CENPW: variants seen among roughly 807,000 people sequenced by gnomAD.
The protein encoded by CENPW is cancer-up-regulated gene 2 protein.
In CENPW, 3 loss-of-function variants were observed where a neutral mutation model predicts 11.1. The observed-to-expected ratio is 0.27, with a 90% CI of 0.12 to 0.70. CENPW has a LOEUF of 0.70. CENPW is among the 30% of genes least tolerant of loss of function. CENPW has a pLI of 0.77. For synonymous variants in CENPW, 38 were observed against 42.0 expected, an observed-to-expected ratio of 0.91 and a Z score of 0.37; for missense variants, 100 against 105.6, an observed-to-expected ratio of 0.95 and a Z score of 0.23.
chr6:126,439,386 G>T, the CENPW span, among the ~76,000 whole-genome samples: 1 of 151,622 alleles, frequency 6.6e-6, no homozygotes, highest in South Asian at 2.1e-4. Context: ...GGGCCCACTT[G>T]AAAGAGGTTG....
At chr6:126,458,513 CT>C in the CENPW span, among the ~76,000 whole-genome samples, 1 of 151,290 alleles carries the variant, frequency 6.6e-6, no homozygotes, top group Non-Finnish European at 1.5e-5. Flanking sequence ...AGCATCGATG[CT>C]TTTTCTACCA....
the CENPW span, among the ~76,000 whole-genome samples, chr6:126,365,978 G>T: frequency 6.6e-6 from 1 of 152,192 alleles, no homozygotes; most frequent in African/African-American, 2.4e-5. Context: ...TGAACTTTGA[G>T]AGTTGAGGCT....
At chr6:126,446,094 GA>G in the CENPW span, among the ~76,000 whole-genome samples, 1 of 151,170 alleles carries the variant, frequency 6.6e-6, no homozygotes, top group African/African-American at 2.4e-5. Context: ...ACACTTTGAT[GA>G]ATTAAGTAGA....
the CENPW span, among the ~76,000 whole-genome samples, chr6:126,379,227 G>C: frequency 6.6e-6 from 1 of 152,156 alleles, no homozygotes; most frequent in Non-Finnish European, 1.5e-5. Flanking sequence ...CCTTTAAGGA[G>C]CTCCAAGTGC....
At chr6:126,403,506 A>AG in the CENPW span, among the ~76,000 whole-genome samples, 2 of 152,116 alleles carry the variant, frequency 1.3e-5, no homozygotes, top group Admixed American at 6.6e-5. Flanking sequence ...ACATTCTCTT[A>AG]AGCTAAAGCC....
chr6:126,406,987 T>C, the CENPW span, among the ~76,000 whole-genome samples: 2 of 152,242 alleles, frequency 1.3e-5, no homozygotes, highest in East Asian at 3.9e-4. Context: ...GGTTGTTACA[T>C]AGGTAAATGT....
chr6:126,442,254 T>C, the CENPW span, among the ~76,000 whole-genome samples: 1 of 151,654 alleles, frequency 6.6e-6, no homozygotes, highest in Non-Finnish European at 1.5e-5. Flanking sequence ...ATAGCTTCTT[T>C]TGAGAGTTGT....
At chr6:126,410,831 T>G in the CENPW span, among the ~76,000 whole-genome samples, 1 of 152,070 alleles carries the variant, frequency 6.6e-6, no homozygotes, top group Non-Finnish European at 1.5e-5. Context: ...GGCTTTGCAT[T>G]TGATTTTTTA....
At chr6:126,378,615 A>G in the CENPW span, among the ~76,000 whole-genome samples, 1 of 152,182 alleles carries the variant, frequency 6.6e-6, no homozygotes, top group South Asian at 2.1e-4. Context: ...TTGCTGTGAT[A>G]TATTGCCCAG....
chr6:126,355,282 T>G, the CENPW span, among the ~76,000 whole-genome samples: 1 of 152,190 alleles, frequency 6.6e-6, no homozygotes, highest in Non-Finnish European at 1.5e-5. Context: ...TTTTTCCTCC[T>G]AAAGTTGGAG....
At chr6:126,362,554 C>T in the CENPW span, among the ~76,000 whole-genome samples, 4 of 152,276 alleles carry the variant, frequency 2.6e-5, no homozygotes, top group East Asian at 7.7e-4. Flanking sequence ...TGTTGGTTTA[C>T]TTGTTAATTC....
chr6:126,407,208 G>C, the CENPW span, among the ~76,000 whole-genome samples: 2 of 152,228 alleles, frequency 1.3e-5, no homozygotes, highest in African/African-American at 4.8e-5. Context: ...TCCTTCATTA[G>C]TTTGCTGAGG....
At chr6:126,369,224 A>G in the CENPW span, among the ~76,000 whole-genome samples, 26 of 152,078 alleles carry the variant, frequency 1.7e-4, no homozygotes, top group African/African-American at 4.8e-4. Context: ...TATTTTTCCA[A>G]TTGTGAATTG....
downstream of CENPW, among the ~76,000 whole-genome samples, chr6:126,351,139 A>G (rs1432088452): frequency 3.2e-5 from 4 of 123,250 alleles, no homozygotes. Context: ...GAGGAGAAAG[A>G]GAGAGAGTGA....
chr6:126,358,534 G>A, the CENPW span, among the ~76,000 whole-genome samples: 10 of 152,150 alleles, frequency 6.6e-5, no homozygotes, highest in African/African-American at 2.4e-4. Flanking sequence ...TATTGAGTCA[G>A]TGTTGCATCC....
the CENPW span, among the ~76,000 whole-genome samples, chr6:126,478,336 A>G: frequency 4.0e-5 from 6 of 151,616 alleles, no homozygotes; most frequent in Non-Finnish European, 7.4e-5. Context: ...CCTCCAGCCC[A>G]CTAAGCTGGA....
the CENPW span, among the ~76,000 whole-genome samples, chr6:126,362,996 A>G: frequency 6.6e-6 from 1 of 152,244 alleles, no homozygotes; most frequent in East Asian, 1.9e-4. Flanking sequence ...TAGTTAATCT[A>G]AAAATATACT....
At chr6:126,398,420 G>C in the CENPW span, among the ~76,000 whole-genome samples, 2 of 152,098 alleles carry the variant, frequency 1.3e-5, no homozygotes, top group African/African-American at 2.4e-5. Context: ...TCCATGAGGA[G>C]TTAGTTCCAG....
At chr6:126,447,385 A>T in the CENPW span, among the ~76,000 whole-genome samples, 1 of 151,222 alleles carries the variant, frequency 6.6e-6, no homozygotes, top group Non-Finnish European at 1.5e-5. Flanking sequence ...AACAGTGGCA[A>T]ATAAAAAGTT....
Sources: gnomAD v4.1 joint callset for allele counts (sites outside exome capture counted in the v4.1 genomes callset) on GRCh38, gnomAD v4.1.1 for gene constraint, MANE v1.5 for transcripts, NCBI Gene and HGNC (gene_info 2026-07-23, HGNC 2026-07-21) for gene names.